Variants in ARB2A observed in about 807,000 individuals in gnomAD.
The protein encoded by ARB2A is cotranscriptional regulator ARB2A.
chr5:93,956,069 T>C, the ARB2A span, among the ~76,000 whole-genome samples: 1 of 152,218 alleles, frequency 6.6e-6, no homozygotes, highest in Non-Finnish European at 1.5e-5. Flanking sequence ...ATGAAGATTG[T>C]CAAACACCAA....
At chr5:93,867,652 G>C in the ARB2A span, among the ~76,000 whole-genome samples, 2 of 152,012 alleles carry the variant, frequency 1.3e-5, no homozygotes, top group African/African-American at 4.8e-5. Flanking sequence ...TCTTGACTTC[G>C]TGATCTGCCT....
the ARB2A span, among the ~76,000 whole-genome samples, chr5:93,626,943 A>T: frequency 6.6e-6 from 1 of 152,236 alleles, no homozygotes; most frequent in Non-Finnish European, 1.5e-5. Flanking sequence ...ACTTCTTTCA[A>T]AATTAGTCAA....
At chr5:93,902,870 C>T in the ARB2A span, among the ~76,000 whole-genome samples, 3 of 152,084 alleles carry the variant, frequency 2.0e-5, no homozygotes, top group Non-Finnish European at 2.9e-5. Flanking sequence ...CCCAATCTTG[C>T]AGATGTCACT....
chr5:93,767,201 C>A, the ARB2A span, among the ~76,000 whole-genome samples: 1 of 151,828 alleles, frequency 6.6e-6, no homozygotes, highest in East Asian at 1.9e-4. Flanking sequence ...AAGAAAAAAT[C>A]CCATCAACAA....
chr5:93,811,761 G>A, the ARB2A span, among the ~76,000 whole-genome samples: 1 of 152,126 alleles, frequency 6.6e-6, no homozygotes, highest in African/African-American at 2.4e-5. Context: ...AAATTGCTTA[G>A]GATAGTGCCC....
the ARB2A span, among the ~76,000 whole-genome samples, chr5:93,864,139 A>G: frequency 1.8e-4 from 28 of 152,340 alleles, no homozygotes; most frequent in East Asian, 5.2e-3. Flanking sequence ...AAAACTGCTA[A>G]TCATTAACTT....
the ARB2A span, among the ~76,000 whole-genome samples, chr5:93,626,703 T>C: frequency 6.6e-6 from 1 of 152,242 alleles, no homozygotes; most frequent in African/African-American, 2.4e-5. Flanking sequence ...AAAATGCTAA[T>C]AATCATCTGA....
the ARB2A span, among the ~76,000 whole-genome samples, chr5:93,914,123 T>C: frequency 6.6e-6 from 1 of 151,866 alleles, no homozygotes; most frequent in Non-Finnish European, 1.5e-5. Context: ...CTCTGAAAAA[T>C]CTGCTACATC....
At chr5:93,727,792 C>CA in the ARB2A span, among the ~76,000 whole-genome samples, 2 of 151,870 alleles carry the variant, frequency 1.3e-5, no homozygotes, top group Admixed American at 1.3e-4. Context: ...GGCCTATCTG[C>CA]AAAAAAATTC....
chr5:93,903,080 T>A, the ARB2A span, among the ~76,000 whole-genome samples: 2 of 152,102 alleles, frequency 1.3e-5, no homozygotes, highest in African/African-American at 4.8e-5. Context: ...AATTGTAACA[T>A]GGTCAGCGTT....
chr5:93,864,456 C>A, the ARB2A span, among the ~76,000 whole-genome samples: 1 of 152,030 alleles, frequency 6.6e-6, no homozygotes, highest in South Asian at 2.1e-4. Context: ...TAAATACCAC[C>A]ACATTACTGG....
At chr5:93,822,113 G>T in the ARB2A span, among the ~76,000 whole-genome samples, 1 of 152,106 alleles carries the variant, frequency 6.6e-6, no homozygotes, top group Non-Finnish European at 1.5e-5. Flanking sequence ...AGACCATCTT[G>T]TCTCTCTGAC....
chr5:93,981,317 C>T, the ARB2A span, among the ~76,000 whole-genome samples: 1 of 152,084 alleles, frequency 6.6e-6, no homozygotes, highest in Admixed American at 6.5e-5. Context: ...AATTCACCCA[C>T]CTTAGCCTCC....
At chr5:93,893,904 CT>C in the ARB2A span, among the ~76,000 whole-genome samples, 5 of 152,164 alleles carry the variant, frequency 3.3e-5, no homozygotes, top group African/African-American at 1.2e-4. Flanking sequence ...CACATTATCC[CT>C]GTAAAACTTA....
chr5:94,102,562 AAGAG>A, the ARB2A span, among the ~76,000 whole-genome samples: 1 of 152,152 alleles, frequency 6.6e-6, no homozygotes, highest in African/African-American at 2.4e-5. Flanking sequence ...GCATCCCTGA[AAGAG>A]AGAGACATGA....
At chr5:93,711,882 AG>A in the ARB2A span, among the ~76,000 whole-genome samples, 1 of 152,224 alleles carries the variant, frequency 6.6e-6, no homozygotes, top group Non-Finnish European at 1.5e-5. Flanking sequence ...CAACCACAAA[AG>A]CCCCGGCCCT....
the ARB2A span, among the ~76,000 whole-genome samples, chr5:94,029,028 G>A: frequency 6.6e-6 from 1 of 152,160 alleles, no homozygotes; most frequent in Non-Finnish European, 1.5e-5. Context: ...TTTTGTTTGA[G>A]ATAGAGTCTT....
the ARB2A span, among the ~76,000 whole-genome samples, chr5:93,947,976 T>A: frequency 2.6e-5 from 4 of 152,100 alleles, no homozygotes; most frequent in South Asian, 2.1e-4. Flanking sequence ...TAAACATATG[T>A]GTGCATGTGT....
the ARB2A span, among the ~76,000 whole-genome samples, chr5:93,991,713 T>C: frequency 6.6e-6 from 1 of 151,682 alleles, no homozygotes; most frequent in Non-Finnish European, 1.5e-5. Context: ...AATATAGCAA[T>C]AAAGCTCCCT....
Sources: gnomAD v4.1 joint callset for allele counts (sites outside exome capture counted in the v4.1 genomes callset) on GRCh38, gnomAD v4.1.1 for gene constraint, MANE v1.5 for transcripts, NCBI Gene and HGNC (gene_info 2026-07-23, HGNC 2026-07-21) for gene names.